Variants in PITPNC1 observed in about 807,000 individuals in gnomAD.
PITPNC1 encodes the protein cytoplasmic phosphatidylinositol transfer protein 1.
A neutral mutation model predicts 44.7 loss-of-function variants in PITPNC1; 18 were observed. The observed-to-expected ratio is 0.40, with a 90% CI of 0.28 to 0.60. The LOEUF (loss-of-function observed/expected upper bound fraction) is 0.60. PITPNC1 is among the 20% of genes least tolerant of loss of function. The probability of loss-of-function intolerance (pLI) is 0.39; values close to 1 mark genes in which losing one functional copy is unlikely to be tolerated. For synonymous variants in PITPNC1, 141 were observed against 149.6 expected (o/e 0.94, Z 0.42); for missense variants, 290 against 418.4 (o/e 0.69, Z 2.68).
chr17:67,516,551 G>A (rs1178477553), intron 1 of PITPNC1, among the ~76,000 whole-genome samples: 3 of 152,170 alleles, frequency 2.0e-5, no homozygotes, highest in Non-Finnish European at 4.4e-5. Flanking sequence ...TCCTAGTGAG[G>A]TAGTGAAGTT....
rs1402105709 is a variant in PITPNC1, at chr17:67,683,715, C to T, written c.682+8173C>T. On this transcript the variant is annotated intron_variant, in intron 8 of 8. Coordinates refer to ENST00000581322, the MANE Select transcript of PITPNC1 (RefSeq NM_012417.4). Reference sequence around the variant, plus strand: ...GGGGATGGCTGGGCGTGGTGGCTCACACCTGTAATCCCAGCACTTTGGGAG... The same window carrying T: ...GGGGATGGCTGGGCGTGGTGGCTCATACCTGTAATCCCAGCACTTTGGGAG... 3.3e-5 allele frequency among the ~76,000 whole-genome samples: 5 copies of T among 152,156 alleles called. No homozygotes were observed. In the East Asian group the frequency reaches 9.7e-4, roughly 29 times the overall value.
At chr17:67,549,179 C>T (rs921505104) in intron 2 of PITPNC1, among the ~76,000 whole-genome samples, 8 of 152,110 alleles carry the variant, frequency 5.3e-5, no homozygotes, top group African/African-American at 1.9e-4. Flanking sequence ...TCAGGCCGGG[C>T]GCGGTGGTTC....
chr17:67,531,776 C>T (rs1405729710), intron 1 of PITPNC1, among the ~76,000 whole-genome samples: 2 of 152,174 alleles, frequency 1.3e-5, no homozygotes, highest in Admixed American at 6.5e-5. Flanking sequence ...CCAGAGGCGT[C>T]GGTGGTAATG....
intron 4 of PITPNC1, among the ~76,000 whole-genome samples, chr17:67,566,128 G>C (rs1242391314): frequency 6.6e-6 from 1 of 152,014 alleles, no homozygotes; most frequent in Non-Finnish European, 1.5e-5. Context: ...CAACAATACA[G>C]TTAATGAACA....
intron 1 of PITPNC1, among the ~76,000 whole-genome samples, chr17:67,458,498 T>C (rs560481600): frequency 6.6e-6 from 1 of 152,296 alleles, no homozygotes; most frequent in African/African-American, 2.4e-5. Context: ...TAATATTTAT[T>C]TCTAAAAGTA....
chr17:67,651,603 C>G (rs1457999853), intron 6 of PITPNC1, among the ~76,000 whole-genome samples: 4 of 152,118 alleles, frequency 2.6e-5, no homozygotes, highest in African/African-American at 9.7e-5. Context: ...GTGGATTTTA[C>G]TATAATCACA....
chr17:67,554,361 A>G (rs1218454237), intron 4 of PITPNC1, among the ~76,000 whole-genome samples: 6 of 149,948 alleles, frequency 4.0e-5, no homozygotes, highest in African/African-American at 1.5e-4. Context: ...GGGTTCAAGC[A>G]ATTCTCCTGC....
At chr17:67,556,740 T>C (rs558058862) in intron 4 of PITPNC1, among the ~76,000 whole-genome samples, 2 of 152,298 alleles carry the variant, frequency 1.3e-5, no homozygotes, top group East Asian at 3.9e-4. Context: ...TCAAATGCAC[T>C]GATGGGACCA....
At chr17:67,522,511 A>C (rs1035955935) in intron 1 of PITPNC1, among the ~76,000 whole-genome samples, 1 of 152,172 alleles carries the variant, frequency 6.6e-6, no homozygotes, top group Non-Finnish European at 1.5e-5. Context: ...AAATTATTTC[A>C]TAATAAACTT....
chr17:67,620,740 C>T (rs1422644157), intron 5 of PITPNC1, among the ~76,000 whole-genome samples: 1 of 152,182 alleles, frequency 6.6e-6, no homozygotes, highest in East Asian at 1.9e-4. Context: ...CCGGCCTAAC[C>T]CTGATGGATG....
intron 1 of PITPNC1, among the ~76,000 whole-genome samples, chr17:67,436,908 GTTTTTTTTT>G (rs1044625193): frequency 1.3e-3 from 87 of 68,460 alleles, no homozygotes; most frequent in African/African-American, 4.8e-3. Flanking sequence ...AAATAGGGGT[GTTTTTTTTT>G]TTTTTTTTTT....
chr17:67,393,890 C>T (rs1403197270), intron 1 of PITPNC1, among the ~76,000 whole-genome samples: 5 of 152,128 alleles, frequency 3.3e-5, no homozygotes, highest in Non-Finnish European at 7.3e-5. Context: ...AAAAATATAA[C>T]TTAAGTCAGT....
At chr17:67,414,081 G>T (rs1423639742) in intron 1 of PITPNC1, among the ~76,000 whole-genome samples, 1 of 144,874 alleles carries the variant, frequency 6.9e-6, no homozygotes, top group East Asian at 2.0e-4. Context: ...TTAATAAAAG[G>T]GAAATGAGTT....
chr17:67,532,225 G>T (rs78826592), intron 1 of PITPNC1, among the ~76,000 whole-genome samples: 2,027 of 152,246 alleles, frequency 0.013, 41 homozygotes, highest in African/African-American at 0.046. Flanking sequence ...CTCCACTCAT[G>T]GGGGAGCCGG....
At chr17:67,682,714 A>T (rs2042733524) in intron 8 of PITPNC1, among the ~76,000 whole-genome samples, 1 of 152,198 alleles carries the variant, frequency 6.6e-6, no homozygotes, top group African/African-American at 2.4e-5. Context: ...TATTCTCTTA[A>T]ATTAGGCAAT....
intron 5 of PITPNC1, among the ~76,000 whole-genome samples, chr17:67,607,427 G>T (rs1243367565): frequency 6.6e-6 from 1 of 152,236 alleles, no homozygotes; most frequent in Non-Finnish European, 1.5e-5. Context: ...GCTGCAGATG[G>T]ACAGGGGGTG....
chr17:67,684,221 TG>T (rs1347797609), intron 8 of PITPNC1, among the ~76,000 whole-genome samples: 1 of 151,454 alleles, frequency 6.6e-6, no homozygotes, highest in East Asian at 2.0e-4. Context: ...AAGCGATTCT[TG>T]TACCTCAGCC....
At chr17:67,382,456 T>A (rs1208363181) in intron 1 of PITPNC1, among the ~76,000 whole-genome samples, 1 of 152,068 alleles carries the variant, frequency 6.6e-6, no homozygotes, top group Non-Finnish European at 1.5e-5. Flanking sequence ...ATTGGAATAG[T>A]CCCTCGTTTG....
intron 6 of PITPNC1, among the ~76,000 whole-genome samples, chr17:67,668,790 A>C (rs1271289503): frequency 8.7e-6 from 1 of 114,414 alleles, no homozygotes; most frequent in Non-Finnish European, 2.1e-5. Flanking sequence ...TGAACCCGGG[A>C]GGTGGAGCTT....
Sources: gnomAD v4.1 joint callset for allele counts (sites outside exome capture counted in the v4.1 genomes callset) on GRCh38, gnomAD v4.1.1 for gene constraint, MANE v1.5 for transcripts, NCBI Gene and HGNC (gene_info 2026-07-23, HGNC 2026-07-21) for gene names.